The following SLIT3 variants were observed in gnomAD, a reference collection of about 807,000 sequenced individuals.
SLIT3 encodes the protein slit homolog 3 protein.
A neutral mutation model predicts 184.0 loss-of-function variants in SLIT3; 68 were observed. The observed-to-expected ratio is 0.37, with a 90% confidence interval of 0.30 to 0.45. The LOEUF is 0.45. SLIT3 is among the 20% of genes least tolerant of loss of function. The pLI is 1.00. For missense variants in SLIT3, 1,707 were observed against 2,026.0 expected (o/e 0.84, Z 3.02); for synonymous variants, 831 against 828.6 (o/e 1.00, Z -0.05).
At chr5:169,109,903 C>T (rs1038103357) in intron 4 of SLIT3, among the ~76,000 whole-genome samples, 32 of 152,148 alleles carry the variant, frequency 2.1e-4, no homozygotes, top group African/African-American at 7.2e-4. Context: ...GAGGGCTTAC[C>T]GTGTGCCAGT....
At chr5:169,170,504 C>A (rs990497659) in intron 4 of SLIT3, among the ~76,000 whole-genome samples, 1 of 151,992 alleles carries the variant, frequency 6.6e-6, no homozygotes, top group East Asian at 1.9e-4. Context: ...GGAATGAAGA[C>A]GGTTTTGTCC....
At position 169,068,161 on chromosome 5, in the gene SLIT3, T is replaced by C. The variant is rs1022913178; in HGVS notation, c.413+125318A>G. Among the ~76,000 whole-genome samples, 8 of 152,180 alleles carry C rather than the reference T, an allele frequency of 5.3e-5. No homozygotes were observed. In the East Asian group the frequency reaches 1.5e-3, roughly 29 times the overall value. On this transcript the variant is annotated intron_variant, in intron 4 of 35. Transcript: ENST00000519560. ...ACTATTCCCCTCTCAGTTGTAAAAG[T>C]ACAATAAATCTGCTGTAAGGGAACT... is the stretch of plus-strand genomic sequence containing the variant.
chr5:168,793,944 G>A (rs1356418644), intron 10 of SLIT3, among the ~76,000 whole-genome samples: 1 of 152,120 alleles, frequency 6.6e-6, no homozygotes, highest in Non-Finnish European at 1.5e-5. Flanking sequence ...TACGTGCTTC[G>A]AGCTGCCTCA....
At chr5:168,725,148 G>C (rs1288805201) in intron 20 of SLIT3, among the ~76,000 whole-genome samples, 1 of 152,072 alleles carries the variant, frequency 6.6e-6, no homozygotes, top group Admixed American at 6.6e-5. Flanking sequence ...GAGGGGACAG[G>C]GGTTCAGAGT....
intron 4 of SLIT3, among the ~76,000 whole-genome samples, chr5:168,966,162 T>C (rs939921582): frequency 1.3e-5 from 2 of 152,202 alleles, no homozygotes; most frequent in South Asian, 2.1e-4. Context: ...TACAGTTATC[T>C]GATTAGCATT....
At chr5:169,238,072 T>C (rs1353936515) in intron 3 of SLIT3, among the ~76,000 whole-genome samples, 2 of 152,196 alleles carry the variant, frequency 1.3e-5, no homozygotes, top group African/African-American at 4.8e-5. Flanking sequence ...TTGATGTGTG[T>C]GTCTATTTTT....
intron 3 of SLIT3, among the ~76,000 whole-genome samples, chr5:169,240,072 G>T (rs1489885140): frequency 1.3e-5 from 2 of 151,878 alleles, no homozygotes; most frequent in African/African-American, 4.8e-5. Context: ...AAATATTTTG[G>T]ATTTTTCTAC....
chr5:168,707,818 T>A (rs1303234933), intron 26 of SLIT3, 158 bp downstream of exon 26: 1 of 799,998 alleles, frequency 1.3e-6, no homozygotes, highest in East Asian at 2.7e-5. Flanking sequence ...ACAGTGTTAC[T>A]GGCAAATGCT....
intron 4 of SLIT3, among the ~76,000 whole-genome samples, chr5:169,091,414 A>C (rs1030399806): frequency 2.6e-5 from 4 of 152,146 alleles, no homozygotes; most frequent in Non-Finnish European, 5.9e-5. Flanking sequence ...AGCCATGGAG[A>C]AAAAGACACC....
At chr5:168,687,328 C>T (rs990836725) in intron 29 of SLIT3, among the ~76,000 whole-genome samples, 1 of 152,200 alleles carries the variant, frequency 6.6e-6, no homozygotes, top group Non-Finnish European at 1.5e-5. Flanking sequence ...TGTTCCAGAG[C>T]CAGGGTGAGG....
intron 4 of SLIT3, among the ~76,000 whole-genome samples, chr5:169,046,556 A>G (rs1467710050): frequency 6.6e-6 from 1 of 152,202 alleles, no homozygotes; most frequent in African/African-American, 2.4e-5. Flanking sequence ...TGAGAGGTAA[A>G]CTGCACATTT....
intron 5 of SLIT3, among the ~76,000 whole-genome samples, chr5:168,873,042 G>A (rs1759590632): frequency 6.6e-6 from 1 of 152,138 alleles, no homozygotes; most frequent in South Asian, 2.1e-4. Flanking sequence ...CTGATACCAA[G>A]CCAGAAATGC....
At chr5:168,938,279 C>T (rs1762222812) in intron 4 of SLIT3, among the ~76,000 whole-genome samples, 1 of 152,192 alleles carries the variant, frequency 6.6e-6, no homozygotes, top group Admixed American at 6.5e-5. Context: ...CATTTAGGTG[C>T]TATTCTATGG....
At chr5:169,224,374 T>TTA (rs1561749903) in intron 3 of SLIT3, among the ~76,000 whole-genome samples, 1 of 79,834 alleles carries the variant, frequency 1.3e-5, no homozygotes, top group Admixed American at 1.5e-4. Flanking sequence ...TTATTATTTA[T>TTA]TTATTTATTT....
intron 7 of SLIT3, among the ~76,000 whole-genome samples, chr5:168,820,025 T>A (rs1307333425): frequency 4.6e-5 from 7 of 152,198 alleles, no homozygotes; most frequent in African/African-American, 7.2e-5. Flanking sequence ...GGGTAGATTC[T>A]TGCCTTTCAC....
chr5:169,076,229 A>G (rs1758735250), intron 4 of SLIT3, among the ~76,000 whole-genome samples: 1 of 152,224 alleles, frequency 6.6e-6, no homozygotes, highest in African/African-American at 2.4e-5. Context: ...TAGTTCATAA[A>G]GAGTGCTATT....
In SLIT3 at chr5:168,823,345, C is replaced by A. The variant is rs924875; in HGVS notation, c.558-14G>T. 30 of 1,606,464 alleles carry A rather than the reference C, an allele frequency of 1.9e-5. No individual in the cohort carries two copies. The highest frequency in any genetic ancestry group is 8.5e-6 in the Non-Finnish European group (10 of 1,173,552). On this transcript the variant is annotated splice_polypyrimidine_tract_variant and intron_variant, in intron 6 of 35. Transcript: ENST00000519560. ...TTGTTGAGGGTACTGTGGAGATAGA[C>A]AAGGGAGATGGTCAGCCAGGCAGCA... is the stretch of plus-strand genomic sequence containing the variant.
At chr5:169,220,507 C>G (rs540624354) in intron 3 of SLIT3, among the ~76,000 whole-genome samples, 1 of 152,122 alleles carries the variant, frequency 6.6e-6, no homozygotes, top group South Asian at 2.1e-4. Flanking sequence ...ATAAGGCTGG[C>G]TCTGATTGGT....
chr5:169,251,316 G>T, intron 2 of SLIT3, 72 bp downstream of exon 2: 1 of 1,009,194 alleles, frequency 9.9e-7, no homozygotes, highest in South Asian at 1.3e-5. Flanking sequence ...GATGTCAGGG[G>T]CAGTGGAACA....
Sources: gnomAD v4.1 joint callset for allele counts (sites outside exome capture counted in the v4.1 genomes callset) on GRCh38, gnomAD v4.1.1 for gene constraint, MANE v1.5 for transcripts, NCBI Gene and HGNC (gene_info 2026-07-23, HGNC 2026-07-21) for gene names.